APCDD1: variants seen among roughly 807,000 people sequenced by gnomAD.
APCDD1 encodes the protein protein APCDD1.
In APCDD1, 15 loss-of-function variants were observed where a neutral mutation model predicts 38.1. The observed-to-expected ratio is 0.39, with a 90% confidence interval of 0.26 to 0.61. APCDD1 has a LOEUF of 0.61. Ranked by LOEUF, APCDD1 falls within the 20% of genes least tolerant of loss-of-function variation. APCDD1 has a pLI of 0.49. For missense variants in APCDD1, 647 were observed against 696.2 expected (o/e 0.93, Z 0.79); for synonymous variants, 261 against 279.7 (o/e 0.93, Z 0.67).
chr18:10,454,775 G>T lies in APCDD1; in HGVS notation c.-207G>T. On this transcript the variant is annotated 5_prime_UTR_variant, in exon 1 of 5. Transcript: ENST00000355285. ...AGGCCGGGACGCGGACCGGGCCGGGGCGCCCACAGCCGCCCGACGGCGCCC... is the reference window on the plus strand; with the variant it reads ...AGGCCGGGACGCGGACCGGGCCGGGTCGCCCACAGCCGCCCGACGGCGCCC... The T allele has an allele frequency of 1.0e-6, 1 of 980,406 alleles. No individual in the cohort carries two copies. The highest frequency in any genetic ancestry group is 1.2e-6 in the Non-Finnish European group (1 of 828,094). The allele number at this position is 980,406 out of a possible 1,614,324, so 60.7% of individuals were successfully genotyped here.
At chr18:10,458,935 C>T (rs901842667) in intron 1 of APCDD1, among the ~76,000 whole-genome samples, 2 of 152,136 alleles carry the variant, frequency 1.3e-5, no homozygotes, top group African/African-American at 4.8e-5. Context: ...TGTACATAGG[C>T]CATTGCTTAG....
intron 1 of APCDD1, among the ~76,000 whole-genome samples, chr18:10,457,855 GTTTA>G (rs1391438768): frequency 6.6e-6 from 1 of 152,162 alleles, no homozygotes; most frequent in Admixed American, 6.5e-5. Context: ...TGAGCCTGTT[GTTTA>G]TTTAAGACTG....
Position 10,471,699 on chromosome 18 carries a change from C to T in APCDD1, c.412C>T (p.Arg138Ter), listed in dbSNP as rs373747410. 8 of 1,614,032 alleles carry T rather than the reference C, an allele frequency of 5.0e-6. No homozygotes were observed. The highest frequency in any genetic ancestry group is 1.3e-5 in the African/African-American group (1 of 74,934). The change falls in exon 3 of 5, where the codon CGA becomes TGA. Residue 138 changes from arginine (R) to a stop codon, truncating the protein, a stop_gained. Coordinates refer to ENST00000355285, the MANE Select transcript of APCDD1 (RefSeq NM_153000.5). LOFTEE classifies it high-confidence loss of function. The surrounding 1 kb of genome is among the most constrained non-coding windows in gnomAD (Gnocchi z 5.5). ...CCTCCGCCAGGCCTCCTGGATCATC[C>T]GAGGGGGCACGGAAGCCGACTACCA... ...IRLRQASWII[R>*]GGTEADYQLH...
intron 1 of APCDD1, among the ~76,000 whole-genome samples, chr18:10,464,793 C>T (rs2030665986): frequency 1.3e-5 from 2 of 152,210 alleles, no homozygotes; most frequent in Admixed American, 1.3e-4. Flanking sequence ...GGGCCTCACT[C>T]TCTTCTACAT....
Position 10,489,173 on chromosome 18 carries a change from A to G in APCDD1, c.*1135A>G. Reference sequence around the variant, plus strand: ...TCACTCAGTGTCTTTCCTGCTGCTGATGTGGCTCTGTGCTGGCAGTTTCAG... The same window carrying G: ...TCACTCAGTGTCTTTCCTGCTGCTGGTGTGGCTCTGTGCTGGCAGTTTCAG... On this transcript the variant is annotated 3_prime_UTR_variant, in exon 5 of 5. Coordinates refer to ENST00000355285, the MANE Select transcript of APCDD1 (RefSeq NM_153000.5). 6.6e-6 allele frequency: 1 copy of G among 152,476 alleles called. No homozygotes were observed. The highest frequency in any genetic ancestry group is 1.5e-5 in the Non-Finnish European group (1 of 68,216). The allele number at this position is 152,476 out of a possible 1,614,324, so 9.4% of individuals were successfully genotyped here. A position where few individuals can be genotyped will look rare whatever the true frequency, so the allele number is the denominator to read the frequency against.
At chr18:10,473,309 G>C (rs986126546) in intron 3 of APCDD1, among the ~76,000 whole-genome samples, 1 of 152,162 alleles carries the variant, frequency 6.6e-6, no homozygotes, top group Admixed American at 6.5e-5. Context: ...GCTTCCTCTG[G>C]ATGAATCTTT....
At chr18:10,487,496 T>C in intron 4 of APCDD1, 94 bp from the exon 5 acceptor site, 2 of 1,279,518 alleles carry the variant, frequency 1.6e-6, no homozygotes, top group Non-Finnish European at 2.3e-6. Context: ...AAGAAAGCCT[T>C]GTCTAGTTAG....
At chr18:10,477,433 T>C (rs2031028694) in intron 3 of APCDD1, 1 of 152,204 alleles carries the variant, frequency 6.6e-6, no homozygotes, top group Admixed American at 6.5e-5. Context: ...AGGTGTGCAG[T>C]GTCACAATCA....
chr18:10,460,661 A>G (rs530439887), intron 1 of APCDD1, among the ~76,000 whole-genome samples: 5 of 152,238 alleles, frequency 3.3e-5, no homozygotes, highest in Non-Finnish European at 5.9e-5. Flanking sequence ...CCTAAGAGAT[A>G]CCTGAGCACA....
Position 10,471,105 on chromosome 18 carries a change from A to G in APCDD1, c.243-425A>G, listed in dbSNP as rs1188862490. 6.6e-6 allele frequency among the ~76,000 whole-genome samples: 1 copy of G among 152,232 alleles called. No homozygotes were observed. The highest frequency in any genetic ancestry group is 1.5e-5 in the Non-Finnish European group (1 of 68,026). On this transcript the variant is annotated intron_variant, in intron 2 of 4. Transcript: ENST00000355285. This position sits in a 1 kb window ranked among gnomAD's most constrained non-coding sequence, Gnocchi z 5.5. ...GAACTAGCGTAAGGGAACTTCTTTTATAGGCCAGCACAGCACTCATCCTCC... is the reference window on the plus strand; with the variant it reads ...GAACTAGCGTAAGGGAACTTCTTTTGTAGGCCAGCACAGCACTCATCCTCC...
In APCDD1 at chr18:10,471,525, C is replaced by T; in HGVS notation, c.243-5C>T. On this transcript the variant is annotated splice_polypyrimidine_tract_variant and splice_region_variant and intron_variant, in intron 2 of 4. Transcript: ENST00000355285. The surrounding 1 kb of genome is among the most constrained non-coding windows in gnomAD (Gnocchi z 5.5). The stretch of plus-strand genomic sequence containing the variant: ...AAGGTCTCTTCTTCCCCTTTTCTTG[C>T]CCAGCTGTGAAGTAAGGTCAGGCCC... 1.1e-5 allele frequency: 17 copies of T among 1,614,206 alleles called. No individual in the cohort carries two copies. The highest frequency in any genetic ancestry group is 1.6e-4 in the Middle Eastern group (1 of 6,062).
chr18:10,483,418 A>G (rs1376934919), intron 3 of APCDD1, among the ~76,000 whole-genome samples: 2 of 152,328 alleles, frequency 1.3e-5, no homozygotes, highest in Non-Finnish European at 2.9e-5. Flanking sequence ...CTTTGATCCA[A>G]TTGTCTACAA....
chr18:10,473,893 C>T (rs1269993264), intron 3 of APCDD1, among the ~76,000 whole-genome samples: 1 of 148,692 alleles, frequency 6.7e-6, no homozygotes, highest in South Asian at 2.1e-4. Flanking sequence ...ACCTTTGGCT[C>T]GCTCTGAGTA....
rs1204747243 is a variant in APCDD1, at chr18:10,468,420, G to T, written c.59-49G>T. 6.2e-6 allele frequency: 10 copies of T among 1,603,962 alleles called. No homozygotes were observed. In the East Asian group the frequency reaches 2.0e-4, roughly 32 times the overall value. ...GAGGTGGTTGTTTGGCCTGATTCAT[G>T]TCTGCTGCTACTTCTTCTTTTGGCT... On this transcript the variant is annotated intron_variant, in intron 1 of 4. Transcript: ENST00000355285.
intron 3 of APCDD1, among the ~76,000 whole-genome samples, chr18:10,478,973 C>A (rs1020033408): frequency 3.3e-5 from 5 of 152,156 alleles, no homozygotes; most frequent in African/African-American, 1.2e-4. Flanking sequence ...TTTACATGTC[C>A]AATGCCAGCT....
rs143104044 is a variant in APCDD1, at chr18:10,484,365, G to T, written c.775-1097G>T. Among the ~76,000 whole-genome samples, 1,207 of 152,300 alleles carry T rather than the reference G, an allele frequency of 7.9e-3. 14 individuals are homozygous for T. Among genetic ancestry groups the T allele is most frequent in the African/African-American group, 0.027 (1,105 of 41,556 alleles). ...CCATTTCATCCACAGCCAGTGGAGC[G>T]CTGGCCTTTTTATTTTTCTTTGTGT... On this transcript the variant is annotated intron_variant, in intron 3 of 4. Transcript: ENST00000355285.
At chr18:10,461,440 G>C (rs1364942090) in intron 1 of APCDD1, among the ~76,000 whole-genome samples, 3 of 152,140 alleles carry the variant, frequency 2.0e-5, no homozygotes, top group African/African-American at 7.2e-5. Flanking sequence ...TTTGGATAAC[G>C]TTATTCAGAA....
At chr18:10,465,076 G>A (rs1288444982) in intron 1 of APCDD1, among the ~76,000 whole-genome samples, 4 of 152,206 alleles carry the variant, frequency 2.6e-5, no homozygotes, top group African/African-American at 7.2e-5. Context: ...GTAGACAGAG[G>A]CTTGGAGAGT....
In APCDD1 at chr18:10,476,169, T is replaced by A. The variant is rs541466573; in HGVS notation, c.774+4108T>A. The A allele has an allele frequency of 2.6e-5, 4 of 152,332 alleles. No individual in the cohort carries two copies. In the South Asian group the frequency reaches 8.3e-4, roughly 32 times the overall value. The allele number at this position is 152,332 out of a possible 1,614,324, so 9.4% of individuals were successfully genotyped here. On this transcript the variant is annotated intron_variant, in intron 3 of 4. Transcript: ENST00000355285. The surrounding 1 kb of genome is among the most constrained non-coding windows in gnomAD (Gnocchi z 5.8). Reference sequence around the variant, plus strand: ...ACTCTTCTACTTCCCTAATTGCTGGTCCATAGAGACCAAGCTGAAAATTAG... The same window carrying A: ...ACTCTTCTACTTCCCTAATTGCTGGACCATAGAGACCAAGCTGAAAATTAG...
Sources: allele counts gnomAD v4.1 joint callset (sites outside exome capture counted in the v4.1 genomes callset), GRCh38; gene constraint gnomAD v4.1.1; non-coding constraint Gnocchi (gnomAD v3.1); transcripts MANE v1.5; gene names NCBI Gene and HGNC (gene_info 2026-07-23, HGNC 2026-07-21).